The following PLCG2 variants were observed in gnomAD, a reference collection of about 807,000 sequenced individuals.
PLCG2 encodes 1-phosphatidylinositol 4,5-bisphosphate phosphodiesterase gamma-2.
Under a neutral mutation model 175.6 loss-of-function variants are expected in PLCG2, and 69 were observed. The observed-to-expected ratio is 0.39, with a 90% CI of 0.32 to 0.48. PLCG2 has a LOEUF of 0.48. PLCG2 is among the 20% of genes least tolerant of loss of function. The probability of loss-of-function intolerance (pLI) is 0.91; values close to 1 mark genes in which losing one functional copy is unlikely to be tolerated. For missense variants in PLCG2, 1,798 were observed against 1,650.9 expected, an observed-to-expected ratio of 1.09 and a Z score of -1.54; for synonymous variants, 827 against 624.0, an observed-to-expected ratio of 1.33 and a Z score of -4.85.
chr16:81,891,495 A>T lies in PLCG2; in HGVS notation c.891A>T (p.Arg297=). 2.5e-6 allele frequency: 4 copies of T among 1,603,888 alleles called. No individual in the cohort carries two copies. Among genetic ancestry groups the T allele is most frequent in the South Asian group, 1.1e-5 (1 of 90,906 alleles). The change falls in exon 11 of 33, where the codon CGA becomes CGT. Residue 297 remains arginine (R), a synonymous_variant. Coordinates refer to ENST00000564138, the MANE Select transcript of PLCG2 (RefSeq NM_002661.5). ...AGTTCCTCACGTACCTGTTTTCACGAGAAAACAGCATCTGGGATGAGAAGT... is the reference window on the plus strand; with the variant it reads ...AGTTCCTCACGTACCTGTTTTCACGTGAAAACAGCATCTGGGATGAGAAGT... ...VDEFLTYLFS[R]ENSIWDEKYD...
chr16:81,900,411 C>T (rs913549735), intron 13 of PLCG2, among the ~76,000 whole-genome samples: 4 of 152,232 alleles, frequency 2.6e-5, no homozygotes, highest in South Asian at 4.1e-4. Flanking sequence ...TGAATCAGAT[C>T]GCAGCTGTTC....
chr16:81,893,954 T>C, intron 12 of PLCG2, among the ~76,000 whole-genome samples, 160 bp downstream of exon 12: 1 of 150,782 alleles, frequency 6.6e-6, no homozygotes, highest in East Asian at 1.9e-4. Context: ...TGTTTTCTTT[T>C]TTCTTTCTTT....
intron 2 of PLCG2, among the ~76,000 whole-genome samples, chr16:81,763,996 G>A (rs1910092631): frequency 6.7e-6 from 1 of 148,726 alleles, no homozygotes; most frequent in African/African-American, 2.5e-5. Flanking sequence ...ACAAAAAATA[G>A]TTACGAAGTT....
At chr16:81,741,448 C>T (rs182904114) in intron 1 of PLCG2, among the ~76,000 whole-genome samples, 54 of 152,236 alleles carry the variant, frequency 3.5e-4, no homozygotes, top group African/African-American at 1.1e-3. Context: ...AATTTTTGCC[C>T]TTTGGATTTT....
chr16:81,869,111 T>C, intron 5 of PLCG2, 103 bp from the exon 6 acceptor site: 1 of 776,194 alleles, frequency 1.3e-6, no homozygotes, highest in Non-Finnish European at 2.3e-6. Context: ...TTGACCAGGC[T>C]CTCTCATAGA....
At chr16:81,943,261 T>TG (rs1911024163) in intron 30 of PLCG2, among the ~76,000 whole-genome samples, 1 of 152,228 alleles carries the variant, frequency 6.6e-6, no homozygotes, top group Non-Finnish European at 1.5e-5. Flanking sequence ...TTTGATTGGC[T>TG]CACAGTTCTG....
At chr16:81,850,686 A>G (rs1243509430) in intron 2 of PLCG2, among the ~76,000 whole-genome samples, 3 of 152,170 alleles carry the variant, frequency 2.0e-5, no homozygotes, top group African/African-American at 7.2e-5. Flanking sequence ...GCAGGGAGTG[A>G]TATTTAAGCA....
chr16:81,898,735 A>G (rs1044048620), intron 13 of PLCG2: 5 of 152,144 alleles, frequency 3.3e-5, no homozygotes, highest in East Asian at 1.9e-4. Context: ...GAGTATGTCT[A>G]ATGATCAGTA....
At chr16:81,840,894 G>C (rs186016676) in intron 2 of PLCG2, among the ~76,000 whole-genome samples, 1 of 152,330 alleles carries the variant, frequency 6.6e-6, no homozygotes, top group East Asian at 1.9e-4. Flanking sequence ...AGTATCCTCA[G>C]TTCCTTTTTC....
intron 2 of PLCG2, among the ~76,000 whole-genome samples, chr16:81,770,493 G>A (rs922485585): frequency 6.6e-6 from 1 of 152,120 alleles, no homozygotes; most frequent in African/African-American, 2.4e-5. Flanking sequence ...TGGGAGAGTC[G>A]TTTGAGCTCA....
intron 2 of PLCG2, among the ~76,000 whole-genome samples, chr16:81,761,223 G>A (rs1009837074): frequency 1.5e-4 from 23 of 152,056 alleles, no homozygotes; most frequent in Non-Finnish European, 3.1e-4. Context: ...AAGTTAGCTG[G>A]GTGTGGTTGT....
At chr16:81,889,847 G>C (rs113755819) in intron 10 of PLCG2, among the ~76,000 whole-genome samples, 315 of 152,116 alleles carry the variant, frequency 2.1e-3, no homozygotes, top group African/African-American at 6.8e-3. Context: ...TAGTAGACAG[G>C]GTTTCACTAT....
upstream of PLCG2, among the ~76,000 whole-genome samples, chr16:81,776,629 A>T (rs1910414282): frequency 6.6e-6 from 1 of 152,188 alleles, no homozygotes; most frequent in South Asian, 2.1e-4. Context: ...ATCTTGGCTC[A>T]CTGCAACCTC....
At chr16:81,905,563 T>C (rs1909333206) in intron 15 of PLCG2, 56 bp downstream of exon 15, 2 of 1,134,842 alleles carry the variant, frequency 1.8e-6, no homozygotes, top group South Asian at 1.2e-5. Flanking sequence ...CAGCTGCTTC[T>C]TGGAGCCCTG....
chr16:81,787,888 T>G (rs1911054595), intron 2 of PLCG2, among the ~76,000 whole-genome samples: 1 of 152,202 alleles, frequency 6.6e-6, no homozygotes, highest in South Asian at 2.1e-4. Context: ...TCCACTTTGT[T>G]GCGTGGATCA....
At chr16:81,857,031 G>A (rs78861486) in intron 3 of PLCG2, among the ~76,000 whole-genome samples, 46,663 of 151,950 alleles carry the variant, frequency 0.31, 7,774 homozygotes, top group South Asian at 0.38. Context: ...CATGCAACCA[G>A]TCTATTTTAG....
At chr16:81,885,508 G>T (rs1011544557) in intron 9 of PLCG2, among the ~76,000 whole-genome samples, 2 of 152,122 alleles carry the variant, frequency 1.3e-5, no homozygotes, top group African/African-American at 4.8e-5. Flanking sequence ...TTACACTCCT[G>T]TATCTCCCTA....
chr16:81,750,585 T>TTAATGCA (rs1451301163), intron 1 of PLCG2, among the ~76,000 whole-genome samples: 1 of 149,794 alleles, frequency 6.7e-6, no homozygotes, highest in African/African-American at 2.4e-5. Flanking sequence ...CATCAACAGA[T>TTAATGCA]TAATGCATAA....
chr16:81,894,940 T>C (rs1908811704), intron 12 of PLCG2, among the ~76,000 whole-genome samples: 1 of 152,162 alleles, frequency 6.6e-6, no homozygotes, highest in Admixed American at 6.5e-5. Flanking sequence ...TAGGCTCCAG[T>C]GTTACCAAAA....
Sources: allele counts gnomAD v4.1 joint callset (sites outside exome capture counted in the v4.1 genomes callset), GRCh38; gene constraint gnomAD v4.1.1; transcripts MANE v1.5; gene names NCBI Gene and HGNC (gene_info 2026-07-23, HGNC 2026-07-21).